SNTB1: variants seen among roughly 807,000 people sequenced by gnomAD.
The protein encoded by SNTB1 is beta-1-syntrophin.
SNTB1 carries 36 observed loss-of-function variants against 48.9 expected under a neutral mutation model. The ratio of observed to expected loss-of-function variants is 0.74; its 90% confidence interval spans 0.56 to 0.97. SNTB1 has a LOEUF of 0.97. Ranked by LOEUF, SNTB1 falls within the 50% of genes least tolerant of loss-of-function variation. The pLI, the probability that SNTB1 is intolerant of heterozygous loss-of-function variation, is 0.00. For synonymous variants in SNTB1, 299 were observed against 294.6 expected (o/e 1.01, Z -0.15); for missense variants, 786 against 703.4 (o/e 1.12, Z -1.33).
At chr8:120,736,011 A>T (rs1818936380) in intron 1 of SNTB1, among the ~76,000 whole-genome samples, 2 of 152,090 alleles carry the variant, frequency 1.3e-5, no homozygotes, top group Non-Finnish European at 2.9e-5. Flanking sequence ...GGTTTAATTG[A>T]CTCACAGTTC....
intron 1 of SNTB1, among the ~76,000 whole-genome samples, chr8:120,750,487 A>C (rs1314489567): frequency 3.3e-5 from 5 of 152,122 alleles, no homozygotes; most frequent in African/African-American, 1.2e-4. Flanking sequence ...ATCAAAATCA[A>C]ATTTGTCTTT....
At chr8:120,584,144 G>A (rs112356274) in intron 3 of SNTB1, among the ~76,000 whole-genome samples, 5,359 of 151,608 alleles carry the variant, frequency 0.035, 349 homozygotes, top group African/African-American at 0.12. Flanking sequence ...TATCTCTACC[G>A]AAAATACAAA....
intron 1 of SNTB1, among the ~76,000 whole-genome samples, chr8:120,777,047 T>C (rs1240384678): frequency 6.6e-6 from 1 of 152,166 alleles, no homozygotes; most frequent in Non-Finnish European, 1.5e-5. Context: ...TCAACTAGGA[T>C]ACATTTCTAC....
intron 1 of SNTB1, among the ~76,000 whole-genome samples, chr8:120,796,411 C>T (rs1197102880): frequency 6.6e-6 from 1 of 152,008 alleles, no homozygotes; most frequent in African/African-American, 2.4e-5. Flanking sequence ...GCAGTTAGGA[C>T]TTCAACCTAT....
rs187189089 is a variant in SNTB1, at chr8:120,767,485, C to T, written c.571+43788G>A. ...AAGTTAGTTGGCTTGCTTATACACT[C>T]TTTAGACCTTGAAAATGTTAACAAC... On this transcript the variant is annotated intron_variant, in intron 1 of 6. Transcript: ENST00000517992. Among the ~76,000 whole-genome samples, 190 of 152,290 alleles carry T rather than the reference C, an allele frequency of 1.2e-3. 1 individual carries two copies. The highest frequency in any genetic ancestry group is 5.6e-4 in the Non-Finnish European group (38 of 68,016).
chr8:120,592,476 G>C (rs1345201921), intron 3 of SNTB1, among the ~76,000 whole-genome samples: 1 of 152,052 alleles, frequency 6.6e-6, no homozygotes, highest in African/African-American at 2.4e-5. Context: ...CACTGTGCCT[G>C]GCCAAGCAGA....
At chr8:120,559,520 T>C (rs1815618464) in intron 4 of SNTB1, among the ~76,000 whole-genome samples, 2 of 152,150 alleles carry the variant, frequency 1.3e-5, no homozygotes, top group Non-Finnish European at 2.9e-5. Context: ...CACTTGTGGG[T>C]CAAATCTTTA....
intron 1 of SNTB1, among the ~76,000 whole-genome samples, chr8:120,753,346 T>C (rs1456389591): frequency 2.6e-5 from 4 of 152,184 alleles, no homozygotes; most frequent in Non-Finnish European, 5.9e-5. Flanking sequence ...TCCTTTATGC[T>C]GTCTTTGGTC....
chr8:120,791,592 T>TTA (rs1820037241), intron 1 of SNTB1, among the ~76,000 whole-genome samples: 1 of 151,504 alleles, frequency 6.6e-6, no homozygotes, highest in Non-Finnish European at 1.5e-5. Flanking sequence ...AAACAAATCA[T>TTA]CAAGAAAAAA....
intron 2 of SNTB1, among the ~76,000 whole-genome samples, chr8:120,682,184 G>A (rs575583044): frequency 6.6e-6 from 1 of 152,130 alleles, no homozygotes; most frequent in Non-Finnish European, 1.5e-5. Flanking sequence ...AACAAGACAT[G>A]TGAAGAGAGA....
intron 5 of SNTB1, 128 bp from the exon 6 acceptor site, chr8:120,542,128 A>G (rs1419660226): frequency 1.6e-6 from 1 of 635,398 alleles, no homozygotes; most frequent in East Asian, 2.9e-5. Context: ...AAATAAAAAT[A>G]TAGTCATTGT....
intron 4 of SNTB1, among the ~76,000 whole-genome samples, chr8:120,566,440 C>G (rs757184087): frequency 6.6e-6 from 1 of 151,866 alleles, no homozygotes; most frequent in Non-Finnish European, 1.5e-5. Flanking sequence ...TCTATGGAAC[C>G]GAGAACACGA....
At chr8:120,624,324 A>G (rs1196860351) in intron 3 of SNTB1, among the ~76,000 whole-genome samples, 1 of 152,182 alleles carries the variant, frequency 6.6e-6, no homozygotes, top group Non-Finnish European at 1.5e-5. Context: ...GCACCTGGTG[A>G]GGACCTTCTT....
chr8:120,766,832 T>G (rs1819534138), intron 1 of SNTB1, among the ~76,000 whole-genome samples: 1 of 152,196 alleles, frequency 6.6e-6, no homozygotes, highest in Non-Finnish European at 1.5e-5. Flanking sequence ...GCTTACACAT[T>G]GGGGTTCATT....
chr8:120,690,120 A>G lies in SNTB1; in HGVS notation c.788+3572T>C, dbSNP rs181771971. ...TTTGAGAGACAGAGAGACCATATTCATATAACTTTTATTACAGTATATTGT... is the reference window on the plus strand; with the variant it reads ...TTTGAGAGACAGAGAGACCATATTCGTATAACTTTTATTACAGTATATTGT... On this transcript the variant is annotated intron_variant, in intron 2 of 6. Transcript: ENST00000517992. 1.2e-4 allele frequency among the ~76,000 whole-genome samples: 19 copies of G among 152,354 alleles called. No individual in the cohort carries two copies. The East Asian group carries it at 3.7e-3, about 29-fold the overall frequency.
At chr8:120,789,413 T>C (rs1337914380) in intron 1 of SNTB1, among the ~76,000 whole-genome samples, 3 of 151,472 alleles carry the variant, frequency 2.0e-5, no homozygotes, top group African/African-American at 7.3e-5. Context: ...CTAATGAAAT[T>C]GAAACCAAAA....
chr8:120,621,459 T>C (rs1816793002), intron 3 of SNTB1, among the ~76,000 whole-genome samples: 1 of 151,928 alleles, frequency 6.6e-6, no homozygotes, highest in Admixed American at 6.6e-5. Flanking sequence ...AAGTGAGAAA[T>C]GGGAAAGTGG....
intron 6 of SNTB1, 123 bp from the exon 7 acceptor site, chr8:120,539,092 T>C: frequency 1.5e-6 from 1 of 666,226 alleles, no homozygotes; most frequent in Non-Finnish European, 2.6e-6. Context: ...GGAGCAATTA[T>C]GCTCTAAAAT....
At chr8:120,548,559 T>C (rs574400312) in intron 5 of SNTB1, among the ~76,000 whole-genome samples, 8 of 152,166 alleles carry the variant, frequency 5.3e-5, no homozygotes, top group Non-Finnish European at 1.2e-4. Context: ...TGAATGAAGG[T>C]AGGATAAGTC....
Sources: allele counts gnomAD v4.1 joint callset (sites outside exome capture counted in the v4.1 genomes callset), GRCh38; gene constraint gnomAD v4.1.1; transcripts MANE v1.5; gene names NCBI Gene and HGNC (gene_info 2026-07-23, HGNC 2026-07-21).